Variants in OSBP2 observed in about 807,000 individuals in gnomAD.
OSBP2 encodes the protein oxysterol-binding protein 2.
OSBP2 carries 66 observed loss-of-function variants against 96.0 expected under a neutral mutation model. That is an observed-to-expected ratio of 0.69 (90% confidence interval 0.56 to 0.84). The LOEUF (loss-of-function observed/expected upper bound fraction) is 0.84, where lower values mean the gene tolerates loss of function less well. Among genes scored for constraint, OSBP2 ranks in the 40% least tolerant of loss-of-function variants. The pLI is 0.00. For missense variants in OSBP2, 1,038 were observed against 1,222.7 expected, an observed-to-expected ratio of 0.85 and a Z score of 2.25; for synonymous variants, 525 against 520.9, an observed-to-expected ratio of 1.01 and a Z score of -0.11.
In OSBP2 at chr22:30,871,001, G is replaced by A. The variant is rs1487871046; in HGVS notation, c.1107+319G>A. Among the ~76,000 whole-genome samples, 1 of 152,164 alleles carries A rather than the reference G, an allele frequency of 6.6e-6. No individual in the cohort carries two copies. Among genetic ancestry groups the A allele is most frequent in the African/African-American group, 2.4e-5 (1 of 41,422 alleles). On this transcript the variant is annotated intron_variant, in intron 3 of 13. Coordinates refer to ENST00000332585, the MANE Select transcript of OSBP2 (RefSeq NM_030758.4). This position sits in a 1 kb window ranked among gnomAD's most constrained non-coding sequence, Gnocchi z 4.7. ...CCCAAGTTAAGTAGCTAGCCCAGCA[G>A]GTCAGTTCTGCCCACACAGTAGGGA...
At chr22:30,790,594 T>C (rs543479796) in intron 2 of OSBP2, among the ~76,000 whole-genome samples, 2 of 151,886 alleles carry the variant, frequency 1.3e-5, no homozygotes, top group South Asian at 4.2e-4. Flanking sequence ...CAGGCAGTTT[T>C]TCAGCAAGAC....
intron 1 of OSBP2, among the ~76,000 whole-genome samples, chr22:30,711,306 A>G (rs958245014): frequency 1.3e-5 from 2 of 151,830 alleles, no homozygotes; most frequent in African/African-American, 4.8e-5. Context: ...ATATTTATAC[A>G]ATGTTTGATA....
intron 2 of OSBP2, among the ~76,000 whole-genome samples, chr22:30,842,329 A>G (rs1383950049): frequency 6.6e-6 from 1 of 152,032 alleles, no homozygotes; most frequent in East Asian, 1.9e-4. Flanking sequence ...CTCTATTACT[A>G]ACAACTTAAC....
At chr22:30,742,301 G>A (rs890799028) in intron 2 of OSBP2, among the ~76,000 whole-genome samples, 2 of 151,552 alleles carry the variant, frequency 1.3e-5, no homozygotes, top group Non-Finnish European at 2.9e-5. Flanking sequence ...GCGTGGTGGT[G>A]CGTGCCTGTA....
rs867292095 is a variant in OSBP2, at chr22:30,796,792, G to A, written c.853+55423G>A. Reference sequence around the variant, plus strand: ...CAAAGTGCTGGGATTACAGGCGTGAGCCACGGCACCCAGCCAAAATTTGTT... The same window carrying A: ...CAAAGTGCTGGGATTACAGGCGTGAACCACGGCACCCAGCCAAAATTTGTT... On this transcript the variant is annotated intron_variant, in intron 2 of 13. Transcript: ENST00000332585. Among the ~76,000 whole-genome samples the A allele has an allele frequency of 4.3e-4, 66 of 152,208 alleles. 2 individuals carry two copies. Among genetic ancestry groups the A allele is most frequent in the Admixed American group, 4.1e-3 (63 of 15,280 alleles).
chr22:30,872,839 T>C (rs550352409), intron 3 of OSBP2, among the ~76,000 whole-genome samples: 1 of 152,302 alleles, frequency 6.6e-6, no homozygotes, highest in East Asian at 1.9e-4. Context: ...CTGGAAAGGC[T>C]GTTTGCGTGG....
At position 30,723,722 on chromosome 22, in the gene OSBP2, A is replaced by G. The variant is rs544869791; in HGVS notation, c.645-17439A>G. On this transcript the variant is annotated intron_variant, in intron 1 of 13. Coordinates refer to ENST00000332585, the MANE Select transcript of OSBP2 (RefSeq NM_030758.4). ...ACCCACCGCACCCGGCCAGATTTTT[A>G]TTTAAAAAAACCTTACCTATTTACA... Among the ~76,000 whole-genome samples the G allele has an allele frequency of 4.6e-5, 7 of 152,052 alleles. No homozygotes were observed. The South Asian group carries it at 1.5e-3, about 32-fold the overall frequency.
intron 2 of OSBP2, among the ~76,000 whole-genome samples, chr22:30,783,134 A>G (rs1276956644): frequency 6.9e-6 from 1 of 144,542 alleles, no homozygotes; most frequent in East Asian, 2.0e-4. Flanking sequence ...TCACAGGGCA[A>G]TTGCCCAGGA....
chr22:30,864,619 C>A (rs756091495), intron 2 of OSBP2, among the ~76,000 whole-genome samples: 1 of 152,060 alleles, frequency 6.6e-6, no homozygotes, highest in Middle Eastern at 3.2e-3. Context: ...CCCGTGAGTG[C>A]GCAGCTCCCA....
Position 30,695,139 on chromosome 22 carries a change from T to A in OSBP2, c.230T>A (p.Val77Glu). 6.2e-7 allele frequency: 1 copy of A among 1,603,816 alleles called. No individual in the cohort carries two copies. Among genetic ancestry groups the A allele is most frequent in the Non-Finnish European group, 8.5e-7 (1 of 1,174,082 alleles). Reference protein sequence around the residue: ...EQVSEAVSEAVPRSEPVSETT... With the variant: ...EQVSEAVSEAEPRSEPVSETT... The stretch of plus-strand genomic sequence containing the variant: ...GTGTCGGAGGCAGTTTCGGAGGCAG[T>A]GCCAAGATCGGAACCTGTGTCCGAG... The change falls in exon 1 of 14, where the codon GTG becomes GAG. Residue 77 changes from valine to glutamate, a missense_variant. Physicochemically the swap from Val to Glu is moderately radical, Grantham distance 121 (BLOSUM62 -2). This residue lies in a region of OSBP2 where 281 missense variants were observed against 273.4 expected (regional missense o/e 1.03). Transcript: ENST00000332585.
chr22:30,813,792 C>G (rs1249052061), intron 2 of OSBP2, among the ~76,000 whole-genome samples: 2 of 150,684 alleles, frequency 1.3e-5, no homozygotes, highest in Non-Finnish European at 2.9e-5. Flanking sequence ...CTAACTTTTC[C>G]CAGATGACTT....
At chr22:30,902,968 C>T (rs911998760) in intron 12 of OSBP2, among the ~76,000 whole-genome samples, 1 of 152,072 alleles carries the variant, frequency 6.6e-6, no homozygotes, top group African/African-American at 2.4e-5. Context: ...CTGGGCTTTG[C>T]TGTATCTATC....
chr22:30,694,112 C>T (rs761564263), upstream of OSBP2: 13 of 1,548,696 alleles, frequency 8.4e-6, 1 homozygote, highest in South Asian at 1.3e-4. Context: ...CCAGCCTACC[C>T]AGGGATCCCG....
intron 3 of OSBP2, among the ~76,000 whole-genome samples, chr22:30,878,216 A>G (rs1189677852): frequency 2.6e-5 from 4 of 152,348 alleles, no homozygotes; most frequent in South Asian, 4.1e-4. Flanking sequence ...CTCAATGCCA[A>G]TGTCAATGAC....
chr22:30,824,670 C>A (rs910217644), intron 2 of OSBP2, among the ~76,000 whole-genome samples: 1 of 152,160 alleles, frequency 6.6e-6, no homozygotes, highest in South Asian at 2.1e-4. Flanking sequence ...GTTTTATACA[C>A]GTCAAAGGGT....
upstream of OSBP2, among the ~76,000 whole-genome samples, chr22:30,694,640 C>T (rs1272711624): frequency 5.8e-5 from 3 of 51,312 alleles, no homozygotes; most frequent in African/African-American, 8.0e-5. Context: ...TCGGAGTTGA[C>T]CGACCACCAA....
intron 2 of OSBP2, among the ~76,000 whole-genome samples, chr22:30,811,980 G>A (rs116594610): frequency 7.1e-4 from 106 of 148,816 alleles, no homozygotes; most frequent in Middle Eastern, 3.6e-3. Context: ...CTCAGCCTCC[G>A]AAGTACCTAG....
intron 2 of OSBP2, among the ~76,000 whole-genome samples, chr22:30,768,182 T>C (rs2090301252): frequency 6.6e-6 from 1 of 151,868 alleles, no homozygotes; most frequent in African/African-American, 2.4e-5. Flanking sequence ...AGAAACTGAG[T>C]TGGATTTTCA....
intron 1 of OSBP2, among the ~76,000 whole-genome samples, chr22:30,702,646 A>G (rs2089182702): frequency 6.6e-6 from 1 of 151,948 alleles, no homozygotes; most frequent in Non-Finnish European, 1.5e-5. Flanking sequence ...ACAAAACAAA[A>G]CAAAACAGTA....
Sources: gnomAD v4.1 joint callset for allele counts (sites outside exome capture counted in the v4.1 genomes callset) on GRCh38, gnomAD v4.1.1 for gene constraint, gnomAD v4.1.1 regional missense constraint, Gnocchi (gnomAD v3.1) non-coding constraint, MANE v1.5 for transcripts, NCBI Gene and HGNC (gene_info 2026-07-23, HGNC 2026-07-21) for gene names.